The following ZNF609 variants were observed in gnomAD, a reference collection of about 807,000 sequenced individuals.
ZNF609 encodes the protein zinc finger protein 609.
In ZNF609, 11 loss-of-function variants were observed where a neutral mutation model predicts 109.5. The ratio of observed to expected loss-of-function variants is 0.10; its 90% CI spans 0.06 to 0.17. ZNF609 has a LOEUF of 0.17. Among genes scored for constraint, ZNF609 ranks in the 10% least tolerant of loss-of-function variants. ZNF609 has a pLI of 1.00. For missense variants in ZNF609, 1,559 were observed against 1,772.4 expected (o/e 0.88, Z 2.16); for synonymous variants, 646 against 662.0 (o/e 0.98, Z 0.37).
intron 2 of ZNF609, among the ~76,000 whole-genome samples, chr15:64,620,724 A>G (rs559044493): frequency 1.3e-5 from 2 of 152,312 alleles, no homozygotes; most frequent in Non-Finnish European, 2.9e-5. Flanking sequence ...GAATCAGTGT[A>G]TGAACATTCT....
chr15:64,553,582 T>A (rs1308012384), intron 2 of ZNF609, among the ~76,000 whole-genome samples: 1 of 151,154 alleles, frequency 6.6e-6, no homozygotes, highest in African/African-American at 2.4e-5. Flanking sequence ...TTTTATTTTT[T>A]ATTTTTATTT....
intron 2 of ZNF609, among the ~76,000 whole-genome samples, chr15:64,504,568 C>G (rs1893605683): frequency 1.3e-5 from 2 of 151,996 alleles, no homozygotes; most frequent in South Asian, 4.2e-4. Flanking sequence ...GCCTCTGATT[C>G]AAGCGATTCT....
At chr15:64,478,060 T>G (rs1473585964) in intron 1 of ZNF609, among the ~76,000 whole-genome samples, 1 of 152,198 alleles carries the variant, frequency 6.6e-6, no homozygotes, top group Non-Finnish European at 1.5e-5. Flanking sequence ...TTTTTGGTTA[T>G]TTATACCACC....
intron 1 of ZNF609, among the ~76,000 whole-genome samples, chr15:64,497,443 AC>A (rs771635489): frequency 2.0e-5 from 3 of 151,704 alleles, no homozygotes; most frequent in Non-Finnish European, 2.9e-5. Context: ...TTGCCCCTAC[AC>A]CCTAGTTCTT....
At chr15:64,587,404 C>T (rs1895216041) in intron 2 of ZNF609, among the ~76,000 whole-genome samples, 2 of 151,978 alleles carry the variant, frequency 1.3e-5, no homozygotes, top group African/African-American at 4.8e-5. Flanking sequence ...AGTAGTAGGG[C>T]TTCAGTACAT....
Position 64,499,393 on chromosome 15 carries a change from A to T in ZNF609, c.-27A>T, listed in dbSNP as rs1454865553. 6.2e-7 allele frequency: 1 copy of T among 1,603,136 alleles called. No homozygotes were observed. The highest frequency in any genetic ancestry group is 1.3e-5 in the African/African-American group (1 of 74,670). On this transcript the variant is annotated 5_prime_UTR_variant, in exon 2 of 10. Coordinates refer to ENST00000326648, the MANE Select transcript of ZNF609 (RefSeq NM_015042.2). ...AGCTGGGGGCAAGGAAGAGCCTTGA[A>T]TCTTGAGGTGGGACGTTGACTCTAA...
intron 2 of ZNF609, among the ~76,000 whole-genome samples, chr15:64,621,829 G>A (rs756140500): frequency 3.6e-4 from 54 of 149,382 alleles, no homozygotes; most frequent in Non-Finnish European, 6.6e-4. Flanking sequence ...AGGTTCAAGC[G>A]ATTCTGCTGC....
intron 1 of ZNF609, among the ~76,000 whole-genome samples, chr15:64,476,941 A>G (rs1780699936): frequency 6.6e-6 from 1 of 152,010 alleles, no homozygotes; most frequent in Non-Finnish European, 1.5e-5. Flanking sequence ...AGTGTGTGCT[A>G]TGCGCCTGGC....
Position 64,531,388 on chromosome 15 carries a change from T to TA in ZNF609, c.747+31223dup, listed in dbSNP as rs1214874404. Among the ~76,000 whole-genome samples the TA allele has an allele frequency of 2.0e-5, 3 of 152,208 alleles. No individual in the cohort carries two copies. In the East Asian group the frequency reaches 5.8e-4, roughly 29 times the overall value. ...AAAGCTACACAAATGCAAAGTGGAT[T>TA]ATTCCAGACATTATTATTATTATTA... is the stretch of plus-strand genomic sequence containing the variant. On this transcript the variant is annotated intron_variant, in intron 2 of 9. Transcript: ENST00000326648.
chr15:64,510,825 C>T (rs1002298918), intron 2 of ZNF609, among the ~76,000 whole-genome samples: 5 of 152,106 alleles, frequency 3.3e-5, no homozygotes, highest in African/African-American at 1.2e-4. Flanking sequence ...AAATTTAAGA[C>T]TGCTGGGTTA....
rs551341186 is a variant in ZNF609 at position 64,633,780 on chromosome 15, CTG to C, written c.973+10729_973+10730del. Among the ~76,000 whole-genome samples the C allele has an allele frequency of 4.6e-3, 692 of 151,828 alleles. 5 individuals are homozygous for C. The highest frequency in any genetic ancestry group is 0.016 in the African/African-American group (644 of 41,398). On this transcript the variant is annotated intron_variant, in intron 3 of 9. Coordinates refer to ENST00000326648, the MANE Select transcript of ZNF609 (RefSeq NM_015042.2). ...CCTGTAATCCCAGCTACTCGGGAGT[CTG>C]AGGCAGGAGAATCGCTTGAACCCGG... is the stretch of plus-strand genomic sequence containing the variant.
At chr15:64,650,225 G>GA (rs755533613) in intron 3 of ZNF609, among the ~76,000 whole-genome samples, 7 of 150,278 alleles carry the variant, frequency 4.7e-5, no homozygotes, top group Non-Finnish European at 8.9e-5. Context: ...GCAACACAGT[G>GA]AAACCCCCTG....
chr15:64,535,633 T>G (rs1894130593), intron 2 of ZNF609, among the ~76,000 whole-genome samples: 1 of 152,222 alleles, frequency 6.6e-6, no homozygotes, highest in Non-Finnish European at 1.5e-5. Flanking sequence ...TTCATTTCTC[T>G]GGGACAAGTG....
intron 1 of ZNF609, among the ~76,000 whole-genome samples, chr15:64,492,127 C>T (rs758332735): frequency 6.6e-5 from 10 of 151,932 alleles, no homozygotes; most frequent in Non-Finnish European, 1.5e-4. Flanking sequence ...CCTGTAATCC[C>T]AGCTACTTGG....
At chr15:64,542,848 C>T (rs1894289900) in intron 2 of ZNF609, among the ~76,000 whole-genome samples, 1 of 152,226 alleles carries the variant, frequency 6.6e-6, no homozygotes, top group African/African-American at 2.4e-5. Context: ...GGTCTAGCAT[C>T]TCTCCAGTCC....
chr15:64,522,182 TTATTTTCTAC>T (rs1057161558), intron 2 of ZNF609, among the ~76,000 whole-genome samples: 2 of 152,226 alleles, frequency 1.3e-5, no homozygotes, highest in African/African-American at 4.8e-5. Context: ...TTCTTTGAGA[TTATTTTCTAC>T]TAACGAGGTT....
intron 1 of ZNF609, among the ~76,000 whole-genome samples, chr15:64,495,520 A>C (rs1215122904): frequency 6.6e-6 from 1 of 151,904 alleles, no homozygotes; most frequent in Non-Finnish European, 1.5e-5. Flanking sequence ...CAGCCTCCCA[A>C]GTAGCTGAGA....
chr15:64,481,823 C>T (rs775693226), intron 1 of ZNF609, among the ~76,000 whole-genome samples: 17 of 151,642 alleles, frequency 1.1e-4, no homozygotes, highest in South Asian at 2.1e-4. Context: ...CTTGCTCTGT[C>T]GCCTAGGCTG....
At chr15:64,553,700 G>T (rs888721685) in intron 2 of ZNF609, among the ~76,000 whole-genome samples, 1 of 151,836 alleles carries the variant, frequency 6.6e-6, no homozygotes, top group Non-Finnish European at 1.5e-5. Context: ...CTGGGTTCAC[G>T]CCATTCTCCT....
Sources: gnomAD v4.1 joint callset for allele counts (sites outside exome capture counted in the v4.1 genomes callset) on GRCh38, gnomAD v4.1.1 for gene constraint, MANE v1.5 for transcripts, NCBI Gene and HGNC (gene_info 2026-07-23, HGNC 2026-07-21) for gene names.